Variants in GRAMD1B observed in about 807,000 individuals in gnomAD.
The protein encoded by GRAMD1B is GRAM domain containing 1B.
In GRAMD1B, 37 loss-of-function variants were observed where a neutral mutation model predicts 99.7. The ratio of observed to expected loss-of-function variants is 0.37; its 90% confidence interval spans 0.29 to 0.49. GRAMD1B has a LOEUF of 0.49. GRAMD1B is among the 20% of genes least tolerant of loss of function. GRAMD1B has a pLI of 0.98. For missense variants in GRAMD1B, 888 were observed against 1,009.2 expected (o/e 0.88, Z 1.63); for synonymous variants, 427 against 387.6 (o/e 1.10, Z -1.19).
chr11:123,604,375 C>T (rs561242216), intron 9 of GRAMD1B, among the ~76,000 whole-genome samples: 3 of 152,216 alleles, frequency 2.0e-5, no homozygotes, highest in African/African-American at 7.2e-5. Context: ...GAGGAAGGCC[C>T]TAGGAAGGTT....
intron 1 of GRAMD1B, among the ~76,000 whole-genome samples, chr11:123,385,418 G>A (rs992370633): frequency 2.6e-5 from 4 of 152,110 alleles, no homozygotes; most frequent in Non-Finnish European, 5.9e-5. Context: ...GGTGCTTACC[G>A]AATACTGTGT....
intron 1 of GRAMD1B, among the ~76,000 whole-genome samples, chr11:123,465,816 G>T (rs1019285254): frequency 6.6e-6 from 1 of 151,958 alleles, no homozygotes; most frequent in Non-Finnish European, 1.5e-5. Flanking sequence ...ATTGTTTGAG[G>T]GTTCTTGGTG....
At chr11:123,606,942 T>C in intron 11 of GRAMD1B, 144 bp downstream of exon 11, 2 of 623,146 alleles carry the variant, frequency 3.2e-6, no homozygotes, top group East Asian at 2.7e-5. Flanking sequence ...GTACCTGTTA[T>C]TAGTTTACAT....
At chr11:123,373,432 C>G (rs1004780846) in intron 1 of GRAMD1B, among the ~76,000 whole-genome samples, 1 of 152,180 alleles carries the variant, frequency 6.6e-6, no homozygotes, top group African/African-American at 2.4e-5. Flanking sequence ...TATTAGAACT[C>G]TGGCGTTCCC....
chr11:123,449,894 TC>T (rs2134353015), intron 1 of GRAMD1B, among the ~76,000 whole-genome samples: 1 of 152,088 alleles, frequency 6.6e-6, no homozygotes, highest in Non-Finnish European at 1.5e-5. Context: ...GCTAGATTTT[TC>T]TACTTTTTGT....
chr11:123,450,355 C>G (rs1238387616), intron 1 of GRAMD1B, among the ~76,000 whole-genome samples: 1 of 152,184 alleles, frequency 6.6e-6, no homozygotes, highest in African/African-American at 2.4e-5. Flanking sequence ...GGAATATATG[C>G]ATCCTTCCAC....
intron 3 of GRAMD1B, 44 bp from the exon 4 acceptor site, chr11:123,584,268 C>A: frequency 1.1e-6 from 1 of 895,274 alleles, no homozygotes; most frequent in Non-Finnish European, 1.6e-6. Flanking sequence ...CCCCCCATTT[C>A]TTCCCTGACT....
At chr11:123,485,447 G>A (rs1345293974) in intron 2 of GRAMD1B, among the ~76,000 whole-genome samples, 7 of 152,168 alleles carry the variant, frequency 4.6e-5, no homozygotes, top group African/African-American at 1.7e-4. Flanking sequence ...TTCTGAGAAA[G>A]ATTTTTTCCT....
chr11:123,452,543 G>A (rs1021850887), intron 1 of GRAMD1B, among the ~76,000 whole-genome samples: 2 of 152,122 alleles, frequency 1.3e-5, no homozygotes, highest in Non-Finnish European at 2.9e-5. Flanking sequence ...CTACTCGGGA[G>A]TCTGAGGCAG....
chr11:123,408,540 G>A (rs1363255948), intron 1 of GRAMD1B, among the ~76,000 whole-genome samples: 1 of 152,224 alleles, frequency 6.6e-6, no homozygotes, highest in Non-Finnish European at 1.5e-5. Flanking sequence ...TGGATGGCAT[G>A]TTACAGCTCA....
At chr11:123,411,520 T>C (rs914685948) in intron 1 of GRAMD1B, among the ~76,000 whole-genome samples, 1 of 152,198 alleles carries the variant, frequency 6.6e-6, no homozygotes, top group Admixed American at 6.5e-5. Context: ...ATTATTTAGG[T>C]TTGATGTAGC....
chr11:123,498,198 GACCCCA>G (rs1271385745), intron 2 of GRAMD1B, among the ~76,000 whole-genome samples: 1 of 152,040 alleles, frequency 6.6e-6, no homozygotes, highest in Non-Finnish European at 1.5e-5. Context: ...TGGACCTGGG[GACCCCA>G]AGAGCCTGCT....
At chr11:123,618,617 C>T (rs1954749953) in intron 17 of GRAMD1B, 76 bp from the exon 18 acceptor site, 2 of 886,304 alleles carry the variant, frequency 2.3e-6, no homozygotes, top group African/African-American at 1.7e-5. Context: ...GGGACAGCAG[C>T]CTCTGGGATG....
chr11:123,595,007 TCTC>T (rs1836267771), intron 6 of GRAMD1B, among the ~76,000 whole-genome samples, 169 bp downstream of exon 6: 1 of 152,132 alleles, frequency 6.6e-6, no homozygotes, highest in African/African-American at 2.4e-5. Context: ...AATAATCAGG[TCTC>T]CTCTGCCATG....
In GRAMD1B at chr11:123,519,365, G is replaced by C. The variant is rs540549302; in HGVS notation, c.452+38472G>C. Among the ~76,000 whole-genome samples the C allele has an allele frequency of 3.3e-5, 5 of 152,284 alleles. No individual in the cohort carries two copies. The South Asian group carries it at 1.0e-3, about 32-fold the overall frequency. On this transcript the variant is annotated intron_variant, in intron 2 of 19. Transcript: ENST00000635736. ...CGGGGTGCAGCCCTGGCCATCTGCT[G>C]GTCAGCTCACACAGGCTCTCTATTG...
At chr11:123,581,559 G>A (rs1949357512) in intron 3 of GRAMD1B, among the ~76,000 whole-genome samples, 1 of 152,194 alleles carries the variant, frequency 6.6e-6, no homozygotes, top group Admixed American at 6.5e-5. Flanking sequence ...AGGCTCGGGG[G>A]CTGCTTTGGA....
intron 7 of GRAMD1B, chr11:123,598,193 C>T: frequency 2.7e-6 from 4 of 1,470,634 alleles, no homozygotes; most frequent in Non-Finnish European, 3.8e-6. Context: ...CGCTGGAAGG[C>T]TTTGGGTCCT....
At chr11:123,473,500 C>T (rs536066992) in intron 1 of GRAMD1B, among the ~76,000 whole-genome samples, 1 of 152,246 alleles carries the variant, frequency 6.6e-6, no homozygotes, top group African/African-American at 2.4e-5. Flanking sequence ...TCAAAACTCC[C>T]GGGCTCCAGA....
upstream of GRAMD1B, among the ~76,000 whole-genome samples, chr11:123,426,678 T>G (rs1565491323): frequency 6.6e-6 from 1 of 152,116 alleles, no homozygotes; most frequent in Non-Finnish European, 1.5e-5. Flanking sequence ...ACAACAGTGT[T>G]GTGGGGAGAC....
Sources: gnomAD v4.1 joint callset for allele counts (sites outside exome capture counted in the v4.1 genomes callset) on GRCh38, gnomAD v4.1.1 for gene constraint, MANE v1.5 for transcripts, NCBI Gene and HGNC (gene_info 2026-07-23, HGNC 2026-07-21) for gene names.